ADK: variants seen among roughly 807,000 people sequenced by gnomAD.
ADK encodes adenosine kinase.
Under a neutral mutation model 44.7 loss-of-function variants are expected in ADK, and 24 were observed. The observed-to-expected ratio is 0.54, with a 90% CI of 0.39 to 0.76. The LOEUF (loss-of-function observed/expected upper bound fraction) is 0.76, where lower values mean the gene tolerates loss of function less well. ADK is among the 30% of genes least tolerant of loss of function. The pLI, the probability that ADK is intolerant of heterozygous loss-of-function variation, is 0.00. For missense variants in ADK, 321 were observed against 425.1 expected, an observed-to-expected ratio of 0.76 and a Z score of 2.15; for synonymous variants, 128 against 142.6, an observed-to-expected ratio of 0.90 and a Z score of 0.73.
chr10:74,662,560 C>T (rs1484845857), intron 9 of ADK, among the ~76,000 whole-genome samples: 1 of 152,218 alleles, frequency 6.6e-6, no homozygotes, highest in Non-Finnish European at 1.5e-5. Context: ...GGATTATAGA[C>T]ATGAGCCACT....
intron 6 of ADK, among the ~76,000 whole-genome samples, chr10:74,403,302 T>TTTCTA (rs963178776): frequency 3.3e-5 from 5 of 152,182 alleles, no homozygotes; most frequent in Admixed American, 1.3e-4. Flanking sequence ...TCTATAGAAG[T>TTTCTA]TTCTATTGCC....
At chr10:74,458,056 G>T (rs866182706) in intron 6 of ADK, among the ~76,000 whole-genome samples, 1 of 147,776 alleles carries the variant, frequency 6.8e-6, no homozygotes, top group Admixed American at 6.8e-5. Flanking sequence ...AAAAGATTGG[G>T]TATTTCACAT....
At chr10:74,202,071 C>A (rs1480565732) in intron 2 of ADK, among the ~76,000 whole-genome samples, 1 of 152,074 alleles carries the variant, frequency 6.6e-6, no homozygotes, top group East Asian at 1.9e-4. Context: ...AATCCCATAC[C>A]CAGTAAGTAG....
chr10:74,259,232 A>G (rs1845948185), intron 3 of ADK, among the ~76,000 whole-genome samples: 1 of 151,690 alleles, frequency 6.6e-6, no homozygotes, highest in African/African-American at 2.4e-5. Context: ...GGTGTGAGCC[A>G]CTGTGCCTGG....
chr10:74,567,690 GTTTTTTTTGTT>G (rs1365690807), intron 7 of ADK, among the ~76,000 whole-genome samples: 56 of 122,788 alleles, frequency 4.6e-4, no homozygotes, highest in South Asian at 2.1e-3. Context: ...TGTTTTTTTT[GTTTTTTTTGTT>G]TTTTTTTTTT....
chr10:74,179,975 C>T (rs1842473989), intron 1 of ADK, among the ~76,000 whole-genome samples: 1 of 152,056 alleles, frequency 6.6e-6, no homozygotes, highest in South Asian at 2.1e-4. Flanking sequence ...ATTATTGACC[C>T]CCTTTTACTG....
intron 10 of ADK, among the ~76,000 whole-genome samples, chr10:74,672,809 C>G (rs1428906301): frequency 6.6e-6 from 1 of 152,072 alleles, no homozygotes; most frequent in Non-Finnish European, 1.5e-5. Flanking sequence ...TTCACAAAAA[C>G]TTCTTGGGGT....
chr10:74,485,606 G>T (rs1007253772), intron 6 of ADK, among the ~76,000 whole-genome samples: 1 of 152,016 alleles, frequency 6.6e-6, no homozygotes, highest in Non-Finnish European at 1.5e-5. Flanking sequence ...TTCAAATGCT[G>T]CATAAAATTA....
chr10:74,212,371 A>C (rs1304519714), intron 2 of ADK, among the ~76,000 whole-genome samples: 1 of 152,236 alleles, frequency 6.6e-6, no homozygotes, highest in African/African-American at 2.4e-5. Flanking sequence ...AATACTGGGA[A>C]TACAATATTA....
At chr10:74,154,164 TCTGA>T (rs1841688858) in intron 1 of ADK, among the ~76,000 whole-genome samples, 1 of 152,182 alleles carries the variant, frequency 6.6e-6, no homozygotes, top group Non-Finnish European at 1.5e-5. Flanking sequence ...GTGCAGATAG[TCTGA>T]CTGAAGCAGA....
intron 9 of ADK, among the ~76,000 whole-genome samples, chr10:74,642,615 TTATAAAATATTTACTAAAA>T (rs918318847): frequency 3.9e-5 from 6 of 152,030 alleles, no homozygotes; most frequent in African/African-American, 1.4e-4. Flanking sequence ...ATATTCCCTC[TTATAAAATATTTACTAAAA>T]TTATCCCCAG....
chr10:74,173,174 G>A lies in ADK; in HGVS notation c.65+21831G>A, dbSNP rs569207156. On this transcript the variant is annotated intron_variant, in intron 1 of 10. Transcript: ENST00000539909. Reference sequence around the variant, plus strand: ...GTGGCATGATCTCTGCTCACTGCAAGCTCCACCTTGGGTTCACACCATTCT... The same window carrying A: ...GTGGCATGATCTCTGCTCACTGCAAACTCCACCTTGGGTTCACACCATTCT... Among the ~76,000 whole-genome samples the A allele has an allele frequency of 4.0e-5, 6 of 148,954 alleles. No homozygotes were observed. The East Asian group carries it at 1.0e-3, about 25-fold the overall frequency.
intron 2 of ADK, among the ~76,000 whole-genome samples, chr10:74,205,721 T>C (rs1843571533): frequency 6.8e-6 from 1 of 146,622 alleles, no homozygotes; most frequent in Non-Finnish European, 1.5e-5. Flanking sequence ...TAATTCACTA[T>C]AGTAAGAAAC....
chr10:74,484,535 T>C (rs1161770156), intron 6 of ADK, among the ~76,000 whole-genome samples: 3 of 152,216 alleles, frequency 2.0e-5, no homozygotes, highest in East Asian at 1.9e-4. Context: ...CAATTCTCCC[T>C]ACAGTGAGCC....
intron 4 of ADK, among the ~76,000 whole-genome samples, chr10:74,385,692 T>G (rs1843117544): frequency 6.6e-6 from 1 of 152,228 alleles, no homozygotes; most frequent in Non-Finnish European, 1.5e-5. Flanking sequence ...AGGCACTGCC[T>G]TGAACACTTT....
chr10:74,368,429 T>G (rs796111199), intron 4 of ADK, among the ~76,000 whole-genome samples: 8 of 146,672 alleles, frequency 5.5e-5, no homozygotes, highest in African/African-American at 2.0e-4. Flanking sequence ...TTTTGCAGTG[T>G]TTTTTTTTTT....
chr10:74,338,029 G>C (rs1027803263), intron 4 of ADK, among the ~76,000 whole-genome samples: 2 of 151,996 alleles, frequency 1.3e-5, no homozygotes, highest in Non-Finnish European at 2.9e-5. Context: ...TCCTGCCTCA[G>C]CTTCCTAAAG....
At chr10:74,209,322 G>A (rs552240453) in intron 2 of ADK, among the ~76,000 whole-genome samples, 308 of 151,420 alleles carry the variant, frequency 2.0e-3, no homozygotes, top group Middle Eastern at 0.01. Flanking sequence ...GAAAAGCCTC[G>A]CCAGACACCA....
chr10:74,600,134 G>C (rs1477530428), intron 8 of ADK, among the ~76,000 whole-genome samples: 1 of 152,138 alleles, frequency 6.6e-6, no homozygotes, highest in Non-Finnish European at 1.5e-5. Context: ...AAAGCAAGTG[G>C]ATGAGGATAT....
Sources: gnomAD v4.1 joint callset for allele counts (sites outside exome capture counted in the v4.1 genomes callset) on GRCh38, gnomAD v4.1.1 for gene constraint, MANE v1.5 for transcripts, NCBI Gene and HGNC (gene_info 2026-07-23, HGNC 2026-07-21) for gene names.